OLA1: variants seen among roughly 807,000 people sequenced by gnomAD.
OLA1 encodes the protein obg-like ATPase 1.
OLA1 carries 14 observed loss-of-function variants against 48.4 expected under a neutral mutation model. The ratio of observed to expected loss-of-function variants is 0.29; its 90% confidence interval spans 0.19 to 0.45. OLA1 has a LOEUF of 0.45. Ranked by LOEUF, OLA1 falls within the 20% of genes least tolerant of loss-of-function variation. OLA1 has a pLI of 1.00. For synonymous variants in OLA1, 127 were observed against 150.4 expected (o/e 0.84, Z 1.14); for missense variants, 325 against 467.1 (o/e 0.70, Z 2.80).
chr2:174,218,037 T>C (rs1175094245), intron 4 of OLA1: 1 of 152,178 alleles, frequency 6.6e-6, no homozygotes, highest in Non-Finnish European at 1.5e-5. Flanking sequence ...TCTCCCTGTG[T>C]TGCCCAGGCT....
intron 2 of OLA1, among the ~76,000 whole-genome samples, chr2:174,234,545 C>G (rs1361076148): frequency 2.0e-5 from 3 of 152,120 alleles, no homozygotes. Flanking sequence ...CTCACTGCAG[C>G]CTTGACCTCC....
At position 174,191,590 on chromosome 2, in the gene OLA1, G is replaced by A. The variant is rs762196213; in HGVS notation, c.373+31443C>T. The stretch of plus-strand genomic sequence containing the variant: ...CCGCCTCAGCCCACTGAGTAGCTGG[G>A]ACTAGAGGCACCCGTCACCATACTC... On this transcript the variant is annotated intron_variant, in intron 4 of 10. Transcript: ENST00000284719. Among the ~76,000 whole-genome samples, 11 of 152,110 alleles carry A rather than the reference G, an allele frequency of 7.2e-5. No homozygotes were observed. In the Middle Eastern group the frequency reaches 0.01, roughly 141 times the overall value.
At chr2:174,156,874 C>T in intron 4 of OLA1, among the ~76,000 whole-genome samples, 1 of 151,940 alleles carries the variant, frequency 6.6e-6, no homozygotes, top group East Asian at 1.9e-4. Context: ...CATGAGCCAC[C>T]ATGCCCAGCC....
intron 4 of OLA1, among the ~76,000 whole-genome samples, chr2:174,144,192 C>A (rs1686525325): frequency 6.6e-6 from 1 of 152,072 alleles, no homozygotes; most frequent in South Asian, 2.1e-4. Context: ...CAAGGACTAG[C>A]CTAGGAAAGG....
At chr2:174,144,764 G>A (rs1038759509) in intron 4 of OLA1, among the ~76,000 whole-genome samples, 2 of 150,582 alleles carry the variant, frequency 1.3e-5, no homozygotes, top group African/African-American at 4.9e-5. Flanking sequence ...ATCAGCCTAG[G>A]CAACATTGTG....
At chr2:174,152,700 G>A (rs1050203750) in intron 4 of OLA1, among the ~76,000 whole-genome samples, 2 of 152,184 alleles carry the variant, frequency 1.3e-5, no homozygotes, top group Non-Finnish European at 2.9e-5. Flanking sequence ...GTCTAGTAAT[G>A]TAAACTGTTA....
rs146466354 is a variant in OLA1, at chr2:174,232,739, G to A, written c.102-3288C>T. 5.9e-5 allele frequency among the ~76,000 whole-genome samples: 9 copies of A among 152,284 alleles called. No homozygotes were observed. The East Asian group carries it at 1.7e-3, about 29-fold the overall frequency. Reference sequence around the variant, plus strand: ...TGTTGGCAAGAGTACAGAGAAATTAGAACTCCGTGCACTGCTGGTAGGAAT... The same window carrying A: ...TGTTGGCAAGAGTACAGAGAAATTAAAACTCCGTGCACTGCTGGTAGGAAT... On this transcript the variant is annotated intron_variant, in intron 2 of 10. Coordinates refer to ENST00000284719, the MANE Select transcript of OLA1 (RefSeq NM_013341.5).
intron 4 of OLA1, among the ~76,000 whole-genome samples, chr2:174,204,742 A>T (rs201334599): frequency 6.7e-4 from 23 of 34,314 alleles, no homozygotes; most frequent in Admixed American, 4.5e-3. Context: ...TAATATTCAT[A>T]AAAAAAAACT....
intron 7 of OLA1, among the ~76,000 whole-genome samples, chr2:174,086,619 C>G (rs577716574): frequency 2.6e-5 from 4 of 152,096 alleles, no homozygotes; most frequent in African/African-American, 4.8e-5. Flanking sequence ...AATTAAGGGA[C>G]GCTTGAACAC....
intron 4 of OLA1, among the ~76,000 whole-genome samples, chr2:174,180,760 T>A (rs907151017): frequency 2.0e-5 from 3 of 152,196 alleles, no homozygotes; most frequent in African/African-American, 7.2e-5. Context: ...CCTGGCAGTC[T>A]GGGAAAAGAT....
chr2:174,247,760 A>G, intron 1 of OLA1: 3 of 1,550,872 alleles, frequency 1.9e-6, no homozygotes, highest in Non-Finnish European at 2.6e-6. Flanking sequence ...CAAAATCTAC[A>G]TTATGGTTAC....
chr2:174,210,897 G>A (rs1227771707), intron 4 of OLA1, among the ~76,000 whole-genome samples: 1 of 152,042 alleles, frequency 6.6e-6, no homozygotes, highest in East Asian at 1.9e-4. Context: ...AAAAGAAAAG[G>A]CCATATGAAA....
In OLA1 at chr2:174,118,754, C is replaced by T. The variant is rs565264613; in HGVS notation, c.728+4426G>A. 1.4e-3 allele frequency among the ~76,000 whole-genome samples: 219 copies of T among 152,238 alleles called. 1 individual carries two copies. Among genetic ancestry groups the T allele is most frequent in the Non-Finnish European group, 2.6e-3 (177 of 68,006 alleles). Reference sequence around the variant, plus strand: ...CAGATGGTGCTAATGAAGATTACAACGGGCACTCCCAAATGTATCACTTTC... The same window carrying T: ...CAGATGGTGCTAATGAAGATTACAATGGGCACTCCCAAATGTATCACTTTC... On this transcript the variant is annotated intron_variant, in intron 7 of 10. Coordinates refer to ENST00000284719, the MANE Select transcript of OLA1 (RefSeq NM_013341.5).
chr2:174,163,049 GA>G (rs1341825932), intron 4 of OLA1, among the ~76,000 whole-genome samples: 1 of 151,920 alleles, frequency 6.6e-6, no homozygotes, highest in Admixed American at 6.6e-5. Flanking sequence ...CTCAAACAAA[GA>G]AAAGAACCAC....
chr2:174,216,124 G>A lies in OLA1; in HGVS notation c.373+6909C>T, dbSNP rs116310601. On this transcript the variant is annotated intron_variant, in intron 4 of 10. Transcript: ENST00000284719. ...CAGCCTGGCAACACAGCAAGACCCT[G>A]TATCTACAAAAAAAAACATATATAT... Among the ~76,000 whole-genome samples the A allele has an allele frequency of 7.8e-3, 1,155 of 148,688 alleles. 17 individuals are homozygous for A. Among genetic ancestry groups the A allele is most frequent in the African/African-American group, 0.028 (1,085 of 39,006 alleles).
intron 5 of OLA1, among the ~76,000 whole-genome samples, chr2:174,132,085 T>C (rs974015804): frequency 7.9e-5 from 12 of 152,158 alleles, no homozygotes; most frequent in African/African-American, 2.6e-4. Flanking sequence ...TTTACACTCA[T>C]TTTCTTAAGC....
intron 7 of OLA1, among the ~76,000 whole-genome samples, chr2:174,116,671 T>C (rs1490216955): frequency 2.0e-5 from 3 of 152,144 alleles, no homozygotes; most frequent in African/African-American, 4.8e-5. Flanking sequence ...TTAGGAAAAG[T>C]TACTATGGCA....
At chr2:174,234,091 C>A (rs942394935) in intron 2 of OLA1, among the ~76,000 whole-genome samples, 1 of 152,078 alleles carries the variant, frequency 6.6e-6, no homozygotes, top group African/African-American at 2.4e-5. Flanking sequence ...CTGCCTCTGC[C>A]ACCTGAGACA....
At chr2:174,217,343 T>C (rs929309477) in intron 4 of OLA1, among the ~76,000 whole-genome samples, 1 of 152,056 alleles carries the variant, frequency 6.6e-6, no homozygotes, top group African/African-American at 2.4e-5. Flanking sequence ...GGATTACAGG[T>C]ATGAGCCACT....
Sources: allele counts gnomAD v4.1 joint callset (sites outside exome capture counted in the v4.1 genomes callset), GRCh38; gene constraint gnomAD v4.1.1; transcripts MANE v1.5; gene names NCBI Gene and HGNC (gene_info 2026-07-23, HGNC 2026-07-21).